KIFBP: variants seen among roughly 807,000 people sequenced by gnomAD.
KIFBP encodes the protein kinesin family binding protein.
KIFBP carries 46 observed loss-of-function variants against 58.9 expected under a neutral mutation model. That is an observed-to-expected ratio of 0.78 (90% CI 0.62 to 1.00). The LOEUF is 1.00. Ranked by LOEUF, KIFBP falls within the 50% of genes least tolerant of loss-of-function variation. KIFBP has a pLI of 0.00. For synonymous variants in KIFBP, 241 were observed against 283.4 expected (o/e 0.85, Z 1.50); for missense variants, 651 against 752.9 (o/e 0.86, Z 1.58).
chr10:69,001,551 T>C (rs1027116455), intron 2 of KIFBP, among the ~76,000 whole-genome samples: 3 of 152,002 alleles, frequency 2.0e-5, no homozygotes, highest in African/African-American at 7.2e-5. Context: ...GATCAGGAAT[T>C]CGAGACCAGC....
At chr10:69,008,391 A>AAAAAAAAAAAAATAT in intron 4 of KIFBP, among the ~76,000 whole-genome samples, 249 of 71,556 alleles carry the variant, frequency 3.5e-3, no homozygotes, top group Middle Eastern at 0.01. Flanking sequence ...AAAAAAAAAA[A>AAAAAAAAAAAAATAT]ATATATATAT....
intron 4 of KIFBP, among the ~76,000 whole-genome samples, chr10:69,008,054 AAT>A (rs1843552471): frequency 6.6e-6 from 1 of 152,068 alleles, no homozygotes; most frequent in African/African-American, 2.4e-5. Context: ...AGAACACAGG[AAT>A]ATCTTCTTAC....
intron 6 of KIFBP, among the ~76,000 whole-genome samples, chr10:69,013,263 C>T (rs892881800): frequency 6.6e-6 from 1 of 152,052 alleles, no homozygotes; most frequent in Non-Finnish European, 1.5e-5. Flanking sequence ...AACTACTAAA[C>T]GAAAGAAAAC....
intron 4 of KIFBP, 91 bp from the exon 5 acceptor site, chr10:69,008,750 C>T (rs1843562663): frequency 2.0e-6 from 2 of 991,064 alleles, no homozygotes; most frequent in Non-Finnish European, 3.3e-6. Flanking sequence ...TGATTTTATA[C>T]CTTTTCCCAT....
At chr10:69,011,412 T>TTTA (rs1554843557) in intron 6 of KIFBP, 1 of 172,202 alleles carries the variant, frequency 5.8e-6, no homozygotes, top group African/African-American at 2.4e-5. Context: ...TTTTTTTTTT[T>TTTA]AGACAGGCTC....
In KIFBP at chr10:69,002,340, A is replaced by G. The variant is rs61340623; in HGVS notation, c.525+1818A>G. Among the ~76,000 whole-genome samples, 693 of 151,742 alleles carry G rather than the reference A, an allele frequency of 4.6e-3. 2 individuals carry two copies. Among genetic ancestry groups the G allele is most frequent in the Middle Eastern group, 0.02 (6 of 294 alleles). On this transcript the variant is annotated intron_variant, in intron 2 of 6. Coordinates refer to ENST00000361983, the MANE Select transcript of KIFBP (RefSeq NM_015634.4). ...ATTCCCAGCTAATTTTTGTATTTTT[A>G]TAGAGACCGGGTTTCACCATGTTGC...
chr10:69,000,044 CAAAAA>C (rs766080138), intron 1 of KIFBP, among the ~76,000 whole-genome samples: 2 of 50,674 alleles, frequency 3.9e-5, no homozygotes, highest in Non-Finnish European at 4.1e-5. Context: ...GACTCCGTCT[CAAAAA>C]AAAAAAAAAA....
At position 69,008,729 on chromosome 10, in the gene KIFBP, GTAT is replaced by G. The variant is rs891079962; in HGVS notation, c.790-110_790-108del. ...GCAACTCTACAGGGCCTCCTTTGTA[GTAT>G]TTTTATCTGATTTTATACCTTTTCC... On this transcript the variant is annotated intron_variant, in intron 4 of 6. Coordinates refer to ENST00000361983, the MANE Select transcript of KIFBP (RefSeq NM_015634.4). 5 of 845,202 alleles carry G rather than the reference GTAT, an allele frequency of 5.9e-6. No homozygotes were observed. In the African/African-American group the frequency reaches 8.3e-5, roughly 14 times the overall value. The allele number at this position is 845,202 out of a possible 1,614,324, so 52.4% of individuals were successfully genotyped here.
At chr10:68,996,519 C>T (rs769318621) in intron 1 of KIFBP, among the ~76,000 whole-genome samples, 11 of 151,726 alleles carry the variant, frequency 7.2e-5, no homozygotes, top group Non-Finnish European at 1.3e-4. Context: ...TGAGATTGTG[C>T]CACTGCACTC....
rs1450869089 is a variant in KIFBP at position 69,015,817 on chromosome 10, G to A, written c.1267G>A (p.Val423Ile). 1.9e-6 allele frequency: 3 copies of A among 1,614,048 alleles called. No homozygotes were observed. The highest frequency in any genetic ancestry group is 2.5e-6 in the Non-Finnish European group (3 of 1,180,034). Residue 423 changes from valine to isoleucine, a missense_variant, in exon 7 of 7, where the codon GTC (valine) becomes ATC (isoleucine). Val to Ile is a conservative substitution (Grantham distance 29). Coordinates refer to ENST00000361983, the MANE Select transcript of KIFBP (RefSeq NM_015634.4). ...DGYVTDHIEV[V>I]QDHSALFKVL... ...TTATGTCACTGACCATATTGAAGTT[G>A]TCCAAGACCACAGTGCTCTGTTTAA... is the stretch of plus-strand genomic sequence containing the variant.
At chr10:69,014,553 T>G (rs1460267080) in intron 6 of KIFBP, among the ~76,000 whole-genome samples, 1 of 152,236 alleles carries the variant, frequency 6.6e-6, no homozygotes, top group Admixed American at 6.5e-5. Context: ...TGTCTTCATC[T>G]TCTGAGCATT....
chr10:69,011,452 G>A (rs1289214411), intron 6 of KIFBP, among the ~76,000 whole-genome samples: 1 of 147,434 alleles, frequency 6.8e-6, no homozygotes, highest in Non-Finnish European at 1.5e-5. Flanking sequence ...GGAGTGTGGT[G>A]GCGTGATCAT....
At chr10:68,996,221 A>C (rs1731837215) in intron 1 of KIFBP, among the ~76,000 whole-genome samples, 1 of 152,090 alleles carries the variant, frequency 6.6e-6, no homozygotes, top group South Asian at 2.1e-4. Flanking sequence ...CTGTGGAGTC[A>C]AGCTTTAAAA....
chr10:69,015,514 A>G (rs1283777335), intron 6 of KIFBP, 27 bp from the exon 7 acceptor site: 1 of 1,608,408 alleles, frequency 6.2e-7, no homozygotes, highest in Non-Finnish European at 8.5e-7. Flanking sequence ...GTCCTACTTA[A>G]CCATAATTTA....
At position 69,015,905 on chromosome 10, in the gene KIFBP, C is replaced by G; in HGVS notation, c.1355C>G (p.Ala452Gly). 1 of 1,614,126 alleles carries G rather than the reference C, an allele frequency of 6.2e-7. No homozygotes were observed. Among genetic ancestry groups the G allele is most frequent in the Non-Finnish European group, 8.5e-7 (1 of 1,180,028 alleles). ...TGCAAGATGCATAAACGCAGAATAGCCATGCTAGAGCCCCTAACTGTAGAC... is the reference window on the plus strand; with the variant it reads ...TGCAAGATGCATAAACGCAGAATAGGCATGCTAGAGCCCCTAACTGTAGAC... ...RRCKMHKRRI[A>G]MLEPLTVDLN... The change falls in exon 7 of 7, where the codon GCC becomes GGC. Residue 452 changes from alanine to glycine, a missense_variant. Physicochemically the swap from Ala to Gly is moderately conservative, Grantham distance 60. Transcript: ENST00000361983.
At chr10:69,007,356 T>C (rs777010633) in intron 4 of KIFBP, among the ~76,000 whole-genome samples, 5 of 152,232 alleles carry the variant, frequency 3.3e-5, no homozygotes, top group Non-Finnish European at 7.3e-5. Context: ...GTCATTTATA[T>C]CATTGTCATC....
rs1195651214 is a variant in KIFBP, at chr10:68,998,727, CTACATACATACA to C, written c.427-1682_427-1671del. ...AGGGAAGTGAGGTAGACTAACCCCA[CTACATACATACA>C]TACATACATACATATATGTATATAT... On this transcript the variant is annotated intron_variant, in intron 1 of 6. Transcript: ENST00000361983. Among the ~76,000 whole-genome samples the C allele has an allele frequency of 2.9e-5, 4 of 140,062 alleles. No homozygotes were observed. The East Asian group carries it at 8.1e-4, about 28-fold the overall frequency. The allele number at this position is 140,062 out of a possible 152,430, so 91.9% of individuals were successfully genotyped here. A position where few individuals can be genotyped will look rare whatever the true frequency, so the allele number is the denominator to read the frequency against.
chr10:69,009,935 T>G (rs1434370539), intron 5 of KIFBP, among the ~76,000 whole-genome samples: 1 of 152,178 alleles, frequency 6.6e-6, no homozygotes, highest in Non-Finnish European at 1.5e-5. Context: ...ATGCAGAGAC[T>G]CTTAAGAGCT....
chr10:68,993,247 T>G (rs1358290771), intron 1 of KIFBP, among the ~76,000 whole-genome samples: 1 of 152,180 alleles, frequency 6.6e-6, no homozygotes, highest in African/African-American at 2.4e-5. Context: ...CCACACTTAC[T>G]GACATCCACT....
Sources: allele counts gnomAD v4.1 joint callset (sites outside exome capture counted in the v4.1 genomes callset), GRCh38; gene constraint gnomAD v4.1.1; transcripts MANE v1.5; gene names NCBI Gene and HGNC (gene_info 2026-07-23, HGNC 2026-07-21).